TFEB: variants seen among roughly 807,000 people sequenced by gnomAD.
TFEB encodes T-cell transcription factor EB.
A neutral mutation model predicts 48.0 loss-of-function variants in TFEB; 12 were observed. The observed-to-expected ratio is 0.25, with a 90% CI of 0.16 to 0.40. The LOEUF (loss-of-function observed/expected upper bound fraction) is 0.40, where lower values mean the gene tolerates loss of function less well. TFEB is among the 10% of genes least tolerant of loss of function. The pLI, the probability that TFEB is intolerant of heterozygous loss-of-function variation, is 1.00. For synonymous variants in TFEB, 244 were observed against 261.4 expected (o/e 0.93, Z 0.64); for missense variants, 509 against 640.3 (o/e 0.79, Z 2.21).
At chr6:41,726,964 G>A (rs983118549) in intron 1 of TFEB, among the ~76,000 whole-genome samples, 9 of 152,170 alleles carry the variant, frequency 5.9e-5, no homozygotes, top group Non-Finnish European at 8.8e-5. Flanking sequence ...GATAATGCTT[G>A]GGGCTGTCTA....
rs1770915848 is a variant in TFEB at position 41,720,137 on chromosome 6, C to T, written c.-23+15213G>A. 6.6e-6 allele frequency among the ~76,000 whole-genome samples: 1 copy of T among 152,184 alleles called. No homozygotes were observed. Among genetic ancestry groups the T allele is most frequent in the South Asian group, 2.1e-4 (1 of 4,832 alleles). ...CCACCCACAGCCTCCTGAAAACTGG[C>T]CCCTGCCAATCAGTCCTAGGTTACT... On this transcript the variant is annotated intron_variant, in intron 1 of 8. Transcript: ENST00000373033. The surrounding 1 kb of genome is among the most constrained non-coding windows in gnomAD (Gnocchi z 4.1).
chr6:41,722,073 G>C (rs1771007301), intron 1 of TFEB, among the ~76,000 whole-genome samples: 1 of 152,164 alleles, frequency 6.6e-6, no homozygotes, highest in Admixed American at 6.5e-5. Flanking sequence ...TTCGCCTCCT[G>C]GGTTCAAGCG....
rs1247438193 is a variant in TFEB at position 41,684,103 on chromosome 6, C to G, written c.*496G>C. 2 of 232,502 alleles carry G rather than the reference C, an allele frequency of 8.6e-6. No homozygotes were observed. The highest frequency in any genetic ancestry group is 4.4e-5 in the African/African-American group (2 of 45,234). 14.4% of individuals were successfully genotyped at this position (232,502 alleles called of 1,614,324 possible). A position where few individuals can be genotyped will look rare whatever the true frequency, so the allele number is the denominator to read the frequency against. ...ACCACCTGGTGGAGAGCTATTAGCA[C>G]CAAAGTGGGGGGTGCCCACCTGTGG... On this transcript the variant is annotated 3_prime_UTR_variant, in exon 9 of 9. Transcript: ENST00000373033.
chr6:41,695,853 G>C (rs772935014), intron 1 of TFEB, among the ~76,000 whole-genome samples: 21 of 152,192 alleles, frequency 1.4e-4, no homozygotes, highest in Non-Finnish European at 2.8e-4. Context: ...TTTATGGGGG[G>C]GCCCAACCTG....
chr6:41,733,994 G>A (rs1207730416), intron 1 of TFEB: 5 of 481,792 alleles, frequency 1.0e-5, no homozygotes, highest in Non-Finnish European at 1.4e-5. Context: ...CTGGGGGCCT[G>A]CATCCGTCTT....
At chr6:41,710,940 T>C (rs1770447168) in intron 1 of TFEB, among the ~76,000 whole-genome samples, 1 of 152,226 alleles carries the variant, frequency 6.6e-6, no homozygotes, top group Admixed American at 6.5e-5. Context: ...TGGTTCTGTG[T>C]CTGAAACAGG....
At chr6:41,734,000 G>C (rs1771561066) in intron 1 of TFEB, 1 of 431,968 alleles carries the variant, frequency 2.3e-6, no homozygotes, top group African/African-American at 2.1e-5. Flanking sequence ...GCCTGCATCC[G>C]TCTTGTCCCT....
In TFEB at chr6:41,723,913, C is replaced by T. The variant is rs758299334; in HGVS notation, c.-23+11437G>A. ...CCCACCAGGTCCAGGGTGGGCCTAA[C>T]CCTAACCCCAGCCCCGCTTCCTAGA... On this transcript the variant is annotated intron_variant, in intron 1 of 8. Coordinates refer to ENST00000373033, the MANE Select transcript of TFEB (RefSeq NM_001271944.2). The surrounding 1 kb of genome is among the most constrained non-coding windows in gnomAD (Gnocchi z 6.0). 5.8e-6 allele frequency: 3 copies of T among 513,116 alleles called. No individual in the cohort carries two copies. The highest frequency in any genetic ancestry group is 1.2e-5 in the Non-Finnish European group (3 of 257,508). 31.8% of individuals were successfully genotyped at this position (513,116 alleles called of 1,614,324 possible). A position where few individuals can be genotyped will look rare whatever the true frequency, so the allele number is the denominator to read the frequency against.
intron 1 of TFEB, among the ~76,000 whole-genome samples, chr6:41,732,132 C>T (rs1393082760): frequency 6.6e-6 from 1 of 152,184 alleles, no homozygotes; most frequent in Admixed American, 6.5e-5. Context: ...GTGATCCTCC[C>T]ACCTAGGCCT....
chr6:41,711,801 AG>A (rs1161752190), intron 1 of TFEB, among the ~76,000 whole-genome samples: 10 of 152,194 alleles, frequency 6.6e-5, no homozygotes, highest in African/African-American at 2.2e-4. Flanking sequence ...TCACCTTGGC[AG>A]GGGGGTGGGG....
chr6:41,710,586 G>A (rs962504240), intron 1 of TFEB, among the ~76,000 whole-genome samples: 5 of 152,298 alleles, frequency 3.3e-5, no homozygotes, highest in African/African-American at 1.2e-4. Flanking sequence ...AAATGAAACA[G>A]ATGGAGCAAC....
At chr6:41,695,096 T>G (rs1769508005) in intron 1 of TFEB, among the ~76,000 whole-genome samples, 1 of 152,238 alleles carries the variant, frequency 6.6e-6, no homozygotes, top group African/African-American at 2.4e-5. Context: ...CTGCCCCTAC[T>G]GGCTAGGCGA....
intron 1 of TFEB, among the ~76,000 whole-genome samples, chr6:41,695,815 A>T (rs1769548035): frequency 6.6e-6 from 1 of 152,168 alleles, no homozygotes; most frequent in African/African-American, 2.4e-5. Flanking sequence ...TGTTAACAGG[A>T]GAAAGGAAGC....
chr6:41,718,682 T>TTC (rs1460736715), intron 1 of TFEB, among the ~76,000 whole-genome samples: 1 of 151,886 alleles, frequency 6.6e-6, no homozygotes, highest in African/African-American at 2.4e-5. Flanking sequence ...TTTCTTTTTT[T>TTC]TTTTTTCTTT....
chr6:41,723,259 A>AC lies in TFEB; in HGVS notation c.-23+12090dup, dbSNP rs1771058786. 6.7e-6 allele frequency among the ~76,000 whole-genome samples: 1 copy of AC among 148,194 alleles called. No homozygotes were observed. ...ACCCCAGCCTTGGCCATGCTCAGAG[A>AC]CCCCCACCCCTCCCCAAAGACATCC... On this transcript the variant is annotated intron_variant, in intron 1 of 8. Transcript: ENST00000373033. This position sits in a 1 kb window ranked among gnomAD's most constrained non-coding sequence, Gnocchi z 6.0.
intron 1 of TFEB, among the ~76,000 whole-genome samples, chr6:41,699,021 C>T (rs1053575608): frequency 3.3e-5 from 5 of 152,162 alleles, no homozygotes; most frequent in Admixed American, 2.0e-4. Flanking sequence ...AGGTATCCTA[C>T]GACTCCCAGG....
intron 1 of TFEB, among the ~76,000 whole-genome samples, chr6:41,696,804 T>G (rs1384742054): frequency 6.6e-6 from 1 of 152,218 alleles, no homozygotes; most frequent in Non-Finnish European, 1.5e-5. Context: ...TAGATGACTC[T>G]CGCAGACATA....
At chr6:41,731,509 C>T (rs1771449473) in intron 1 of TFEB, among the ~76,000 whole-genome samples, 1 of 150,974 alleles carries the variant, frequency 6.6e-6, no homozygotes, top group Non-Finnish European at 1.5e-5. Context: ...CCTTTTTCTT[C>T]CTCCCCGGTG....
chr6:41,733,024 C>A (rs1016140149), intron 1 of TFEB: 14 of 985,398 alleles, frequency 1.4e-5, no homozygotes, highest in Middle Eastern at 5.2e-4. Context: ...CTGGGCTACT[C>A]CCTGTGGGGG....
Sources: gnomAD v4.1 joint callset for allele counts (sites outside exome capture counted in the v4.1 genomes callset) on GRCh38, gnomAD v4.1.1 for gene constraint, Gnocchi (gnomAD v3.1) non-coding constraint, MANE v1.5 for transcripts, NCBI Gene and HGNC (gene_info 2026-07-23, HGNC 2026-07-21) for gene names.